The following PIERCE2 variants were observed in gnomAD, a reference collection of about 807,000 sequenced individuals.
PIERCE2 encodes piercer of microtubule wall 2, also known as piercer of microtubule wall 2 protein.
chr15:55,415,126 T>C, the PIERCE2 span, among the ~76,000 whole-genome samples: 8 of 152,098 alleles, frequency 5.3e-5, no homozygotes, highest in Non-Finnish European at 1.2e-4. Flanking sequence ...CTATTAGTAT[T>C]GTAGCAGGAC....
At chr15:55,413,480 C>A in the PIERCE2 span, among the ~76,000 whole-genome samples, 1 of 151,316 alleles carries the variant, frequency 6.6e-6, no homozygotes, top group Admixed American at 6.6e-5. Context: ...TTTTAAGGGC[C>A]GGCCGTGGTG....
the PIERCE2 span, chr15:55,408,705 G>T: frequency 8.3e-7 from 1 of 1,208,836 alleles, no homozygotes; most frequent in Non-Finnish European, 1.2e-6. Flanking sequence ...GCGTTCACCG[G>T]CTTTCTTGCC....
the PIERCE2 span, chr15:55,417,965 T>C: frequency 1.6e-6 from 1 of 633,510 alleles, no homozygotes. Context: ...AGAAGGAATT[T>C]CACAAGGTAA....
chr15:55,411,733 C>T, the PIERCE2 span, among the ~76,000 whole-genome samples: 6 of 152,024 alleles, frequency 3.9e-5, no homozygotes, highest in South Asian at 1.2e-3. Flanking sequence ...ACCAACCTGA[C>T]TAACATGGAG....
the PIERCE2 span, among the ~76,000 whole-genome samples, chr15:55,412,067 G>A: frequency 1.8e-4 from 25 of 136,034 alleles, no homozygotes; most frequent in Non-Finnish European, 2.5e-4. Flanking sequence ...CTCCAGACTG[G>A]GCAACAGAGT....
At chr15:55,414,033 G>A in the PIERCE2 span, among the ~76,000 whole-genome samples, 2 of 151,400 alleles carry the variant, frequency 1.3e-5, no homozygotes, top group African/African-American at 2.4e-5. Context: ...GAGTAGCTGG[G>A]ACTACAGGCG....
chr15:55,411,427 G>A, the PIERCE2 span, among the ~76,000 whole-genome samples: 1 of 152,086 alleles, frequency 6.6e-6, no homozygotes, highest in South Asian at 2.1e-4. Flanking sequence ...CTGCGCCACT[G>A]CACTCCAGCT....
chr15:55,410,101 A>T, the PIERCE2 span, among the ~76,000 whole-genome samples: 1 of 152,084 alleles, frequency 6.6e-6, no homozygotes, highest in Non-Finnish European at 1.5e-5. Flanking sequence ...CTATGATGTA[A>T]AGTATAAAGC....
chr15:55,414,899 T>C, the PIERCE2 span, among the ~76,000 whole-genome samples: 6 of 151,940 alleles, frequency 3.9e-5, no homozygotes, highest in Admixed American at 3.3e-4. Flanking sequence ...AAACAAAACA[T>C]TGATTGTTCA....
chr15:55,410,336 A>G, the PIERCE2 span, among the ~76,000 whole-genome samples: 1 of 152,202 alleles, frequency 6.6e-6, no homozygotes, highest in Admixed American at 6.5e-5. Context: ...GGGTCATTTG[A>G]TAACAAGAAG....
the PIERCE2 span, among the ~76,000 whole-genome samples, chr15:55,416,393 G>T: frequency 1.3e-5 from 2 of 152,054 alleles, no homozygotes; most frequent in African/African-American, 2.4e-5. Flanking sequence ...GAGCCATTGC[G>T]CCTGGACGAA....
chr15:55,411,193 G>C, the PIERCE2 span: 1 of 152,202 alleles, frequency 6.6e-6, no homozygotes. Flanking sequence ...GTGAGGCATG[G>C]TGGCTCACGA....
chr15:55,417,932 A>G, the PIERCE2 span: 1 of 534,748 alleles, frequency 1.9e-6, no homozygotes, highest in Non-Finnish European at 3.3e-6. Context: ...CAAGGTGCTC[A>G]GTGGGGGAGG....
the PIERCE2 span, among the ~76,000 whole-genome samples, chr15:55,417,343 G>A: frequency 6.6e-6 from 1 of 151,938 alleles, no homozygotes; most frequent in Admixed American, 6.6e-5. Context: ...ATCTTAGATT[G>A]AATGGTACTT....
At chr15:55,410,173 TTTTAA>T in the PIERCE2 span, among the ~76,000 whole-genome samples, 1 of 152,166 alleles carries the variant, frequency 6.6e-6, no homozygotes, top group Non-Finnish European at 1.5e-5. Flanking sequence ...TCTAAAAAAT[TTTTAA>T]TTTAAGATTT....
chr15:55,409,042 G>C, the PIERCE2 span, among the ~76,000 whole-genome samples: 1 of 152,164 alleles, frequency 6.6e-6, no homozygotes, highest in Admixed American at 6.5e-5. Flanking sequence ...TTTTGAACAA[G>C]AAAAACGTAC....
chr15:55,416,105 TAG>T, the PIERCE2 span, among the ~76,000 whole-genome samples: 4 of 150,330 alleles, frequency 2.7e-5, no homozygotes, highest in East Asian at 1.9e-4. Context: ...GTTATATATA[TAG>T]AGAGAGAGAG....
the PIERCE2 span, among the ~76,000 whole-genome samples, chr15:55,414,611 G>C: frequency 1.3e-5 from 2 of 152,202 alleles, no homozygotes; most frequent in Non-Finnish European, 2.9e-5. Flanking sequence ...GGGCATGGTG[G>C]CTCACGCCTG....
At chr15:55,416,763 A>T in the PIERCE2 span, among the ~76,000 whole-genome samples, 6 of 152,110 alleles carry the variant, frequency 3.9e-5, no homozygotes, top group Non-Finnish European at 7.3e-5. Flanking sequence ...GTTCGAGACC[A>T]GTCTGGCCAA....
Sources: allele counts gnomAD v4.1 joint callset (sites outside exome capture counted in the v4.1 genomes callset), GRCh38; gene constraint gnomAD v4.1.1; transcripts MANE v1.5; gene names NCBI Gene and HGNC (gene_info 2026-07-23, HGNC 2026-07-21).